The following KAZN variants were observed in gnomAD, a reference collection of about 807,000 sequenced individuals.
KAZN encodes the protein kazrin.
A neutral mutation model predicts 87.4 loss-of-function variants in KAZN; 40 were observed. The ratio of observed to expected loss-of-function variants is 0.46; its 90% CI spans 0.36 to 0.60. The LOEUF (loss-of-function observed/expected upper bound fraction) is 0.60. KAZN is among the 20% of genes least tolerant of loss of function. KAZN has a pLI of 0.00. For synonymous variants in KAZN, 466 were observed against 458.3 expected (o/e 1.02, Z -0.22); for missense variants, 898 against 1,073.9 (o/e 0.84, Z 2.29).
At chr1:14,544,352 T>TTTTTTTTTTTTTTTTTTTTTCTTTTTTTC (rs1673003846) in intron 2 of KAZN, among the ~76,000 whole-genome samples, 1 of 91,212 alleles carries the variant, frequency 1.1e-5, no homozygotes, top group African/African-American at 3.7e-5. Context: ...CTTTCTTTCT[T>TTTTTTTTTTTTTTTTTTTTTCTTTTTTTC]TTTTTTTTTT....
chr1:14,728,281 CGT>C (rs1403285059), intron 1 of KAZN, among the ~76,000 whole-genome samples: 2 of 95,398 alleles, frequency 2.1e-5, no homozygotes, highest in African/African-American at 4.8e-5. Context: ...AGTGAAACAC[CGT>C]ATATATAAAA....
At chr1:14,818,915 C>G (rs1572564318) in intron 1 of KAZN, among the ~76,000 whole-genome samples, 1 of 152,216 alleles carries the variant, frequency 6.6e-6, no homozygotes, top group Non-Finnish European at 1.5e-5. Context: ...ATTAGCCAGG[C>G]ATAGTGGCAG....
At chr1:14,402,498 ATATAT>A (rs951642393) in intron 2 of KAZN, among the ~76,000 whole-genome samples, 13 of 152,308 alleles carry the variant, frequency 8.5e-5, no homozygotes, top group African/African-American at 2.6e-4. Flanking sequence ...AAATAGGAAT[ATATAT>A]TATATTGTTT....
At chr1:13,995,039 A>G (rs181599354) in intron 1 of KAZN, among the ~76,000 whole-genome samples, 16 of 152,318 alleles carry the variant, frequency 1.1e-4, no homozygotes, top group Admixed American at 3.3e-4. Flanking sequence ...CCTCTTTGAA[A>G]AGAACATGCT....
At chr1:14,885,862 T>C (rs180971123) in intron 1 of KAZN, among the ~76,000 whole-genome samples, 142 of 152,242 alleles carry the variant, frequency 9.3e-4, no homozygotes, top group African/African-American at 3.2e-3. Context: ...CTGAAATAAA[T>C]CTATCGATAC....
chr1:14,384,629 G>C (rs1208699973), intron 2 of KAZN, among the ~76,000 whole-genome samples: 1 of 151,910 alleles, frequency 6.6e-6, no homozygotes, highest in East Asian at 1.9e-4. Flanking sequence ...TATTGATTTA[G>C]GTATATTGAA....
At chr1:14,366,530 G>A (rs2100999242) in intron 2 of KAZN, among the ~76,000 whole-genome samples, 1 of 152,388 alleles carries the variant, frequency 6.6e-6, no homozygotes. Context: ...TTCGGCGCCA[G>A]CAGGGGCAGA....
In KAZN at chr1:14,534,039, C is replaced by T. The variant is rs376483963; in HGVS notation, c.250-64944C>T. Among the ~76,000 whole-genome samples, 15 of 152,206 alleles carry T rather than the reference C, an allele frequency of 9.9e-5. No homozygotes were observed. In the East Asian group the frequency reaches 1.2e-3, roughly 12 times the overall value. Reference sequence around the variant, plus strand: ...TTTATGAGTTTTCCTTAGCCTAAACCGTCCTGGGGTTGAGTCCTGCTCAGT... The same window carrying T: ...TTTATGAGTTTTCCTTAGCCTAAACTGTCCTGGGGTTGAGTCCTGCTCAGT... On this transcript the variant is annotated intron_variant, in intron 2 of 16. Transcript: ENST00000636203.
intron 11 of KAZN, 135 bp from the exon 12 acceptor site, chr1:15,103,224 A>G (rs960496828): frequency 1.6e-6 from 1 of 635,666 alleles, no homozygotes; most frequent in Non-Finnish European, 2.8e-6. Flanking sequence ...CACAGATAGC[A>G]CCACTGCACT....
intron 1 of KAZN, among the ~76,000 whole-genome samples, chr1:14,794,012 TCC>T (rs1645758768): frequency 6.6e-6 from 1 of 152,122 alleles, no homozygotes; most frequent in Admixed American, 6.6e-5. Context: ...ACACCACAGG[TCC>T]TGACCTTTTG....
chr1:14,319,088 C>T (rs975681559), intron 2 of KAZN, among the ~76,000 whole-genome samples: 10 of 148,022 alleles, frequency 6.8e-5, no homozygotes, highest in Non-Finnish European at 1.2e-4. Context: ...GCTCTGTTTT[C>T]CTACTTCTTG....
In KAZN at chr1:14,294,949, T is replaced by C. The variant is rs969056507; in HGVS notation, c.249+114357T>C. The stretch of plus-strand genomic sequence containing the variant: ...TGGACACAGAGGTCCCCAGGGAGTA[T>C]GGCTGTGTTTGATGTGATGGAATGA... On this transcript the variant is annotated intron_variant, in intron 2 of 16. Transcript: ENST00000636203. Among the ~76,000 whole-genome samples, 7 of 150,674 alleles carry C rather than the reference T, an allele frequency of 4.6e-5. No individual in the cohort carries two copies. In the East Asian group the frequency reaches 8.0e-4, roughly 17 times the overall value.
rs188421255 is a variant in KAZN at position 13,906,062 on chromosome 1, C to T, written c.91+12306C>T. On this transcript the variant is annotated intron_variant, in intron 1 of 16. Coordinates refer to the KAZN transcript ENST00000636203. Reference sequence around the variant, plus strand: ...CTTGTGATGGCAATTAGAGCCCACTCGGATAATCCAGGATAATCTCCCCAT... The same window carrying T: ...CTTGTGATGGCAATTAGAGCCCACTTGGATAATCCAGGATAATCTCCCCAT... 2.1e-4 allele frequency among the ~76,000 whole-genome samples: 32 copies of T among 152,218 alleles called. No homozygotes were observed. The South Asian group carries it at 5.6e-3, about 27-fold the overall frequency.
intron 1 of KAZN, among the ~76,000 whole-genome samples, chr1:14,903,494 A>G (rs536057676): frequency 6.6e-6 from 1 of 152,232 alleles, no homozygotes; most frequent in African/African-American, 2.4e-5. Flanking sequence ...ACACTTTGCC[A>G]TTGGGCACTC....
chr1:14,672,758 A>C (rs930936258), intron 1 of KAZN, among the ~76,000 whole-genome samples: 2 of 152,234 alleles, frequency 1.3e-5, no homozygotes, highest in African/African-American at 4.8e-5. Context: ...CGGAGACAGC[A>C]GCACTGCCAT....
chr1:14,480,675 CTA>C (rs1042312338), intron 2 of KAZN, among the ~76,000 whole-genome samples: 2 of 140,168 alleles, frequency 1.4e-5, no homozygotes, highest in African/African-American at 2.6e-5. Flanking sequence ...AATATATAAA[CTA>C]TATATAATAT....
chr1:13,921,866 C>G (rs963796509), intron 1 of KAZN, among the ~76,000 whole-genome samples: 1 of 152,006 alleles, frequency 6.6e-6, no homozygotes, highest in African/African-American at 2.4e-5. Context: ...CTCCTGACCT[C>G]GTGATCTGCC....
chr1:13,967,009 C>T (rs896218571), intron 1 of KAZN, among the ~76,000 whole-genome samples: 1 of 152,172 alleles, frequency 6.6e-6, no homozygotes, highest in African/African-American at 2.4e-5. Flanking sequence ...CCCACCCCAC[C>T]CCTCAGCCCA....
At chr1:15,054,592 C>G (rs1405583537) in intron 4 of KAZN, among the ~76,000 whole-genome samples, 1 of 149,770 alleles carries the variant, frequency 6.7e-6, no homozygotes, top group Non-Finnish European at 1.5e-5. Context: ...GTGGAGGTTG[C>G]AGTAAACCGA....
Sources: gnomAD v4.1 joint callset for allele counts (sites outside exome capture counted in the v4.1 genomes callset) on GRCh38, gnomAD v4.1.1 for gene constraint, MANE v1.5 for transcripts, NCBI Gene and HGNC (gene_info 2026-07-23, HGNC 2026-07-21) for gene names.